SLC14A2: variants seen among roughly 807,000 people sequenced by gnomAD.
SLC14A2 encodes urea transporter 2.
A neutral mutation model predicts 104.6 loss-of-function variants in SLC14A2; 91 were observed. That is an observed-to-expected ratio of 0.87 (90% CI 0.73 to 1.04). SLC14A2 has a LOEUF of 1.04. Ranked by LOEUF, SLC14A2 falls within the 50% of genes least tolerant of loss-of-function variation. The pLI, the probability that SLC14A2 is intolerant of heterozygous loss-of-function variation, is 0.00. For synonymous variants in SLC14A2, 476 were observed against 466.4 expected (o/e 1.02, Z -0.27); for missense variants, 1,189 against 1,156.0 (o/e 1.03, Z -0.41).
At chr18:45,654,296 G>T (rs983708667) in intron 10 of SLC14A2, among the ~76,000 whole-genome samples, 1 of 152,204 alleles carries the variant, frequency 6.6e-6, no homozygotes, top group African/African-American at 2.4e-5. Flanking sequence ...GAGCTGGAGG[G>T]CTCAGGGAGG....
chr18:45,387,296 T>C (rs988189802), intron 1 of SLC14A2, among the ~76,000 whole-genome samples: 1 of 152,174 alleles, frequency 6.6e-6, no homozygotes, highest in African/African-American at 2.4e-5. Flanking sequence ...ATTAAACCCA[T>C]AGCTTGCCAC....
At chr18:45,658,304 G>C (rs2045877470) in intron 10 of SLC14A2, among the ~76,000 whole-genome samples, 1 of 152,164 alleles carries the variant, frequency 6.6e-6, no homozygotes, top group African/African-American at 2.4e-5. Context: ...GAAAGGGCCA[G>C]GTGTGGTAGC....
intron 1 of SLC14A2, among the ~76,000 whole-genome samples, chr18:45,228,936 T>A (rs1313758731): frequency 6.6e-6 from 1 of 152,124 alleles, no homozygotes; most frequent in East Asian, 1.9e-4. Flanking sequence ...TGATTAAACA[T>A]TGGCCCGGTT....
At chr18:45,636,379 G>C (rs1480763432) in intron 5 of SLC14A2, among the ~76,000 whole-genome samples, 2 of 152,182 alleles carry the variant, frequency 1.3e-5, no homozygotes, top group African/African-American at 4.8e-5. Context: ...GAGTGAGTCA[G>C]GATTTGCACT....
chr18:45,490,683 TGGA>T (rs1011888375), intron 2 of SLC14A2, among the ~76,000 whole-genome samples: 9 of 152,190 alleles, frequency 5.9e-5, no homozygotes, highest in African/African-American at 1.4e-4. Flanking sequence ...GTGAGAGATT[TGGA>T]GGAGAAGTTT....
At position 45,419,501 on chromosome 18, in the gene SLC14A2, T is replaced by C. The variant is rs547737497; in HGVS notation, c.-124-63732T>C. On this transcript the variant is annotated intron_variant, in intron 1 of 20. Transcript: ENST00000586448. ...TTAAAACATTTTATCAGGTCGGGCG[T>C]GGTGGCTCATGCCTATAATCCCAGC... is the stretch of plus-strand genomic sequence containing the variant. Among the ~76,000 whole-genome samples, 292 of 152,288 alleles carry C rather than the reference T, an allele frequency of 1.9e-3. 1 individual carries two copies. Among genetic ancestry groups the C allele is most frequent in the African/African-American group, 6.7e-3 (280 of 41,584 alleles).
intron 1 of SLC14A2, among the ~76,000 whole-genome samples, chr18:45,378,366 A>G (rs1212494306): frequency 6.6e-6 from 1 of 152,208 alleles, no homozygotes; most frequent in Non-Finnish European, 1.5e-5. Flanking sequence ...AGAAGAATCT[A>G]TGAGCTGTTA....
At chr18:45,481,866 G>T (rs1490905657) in intron 1 of SLC14A2, among the ~76,000 whole-genome samples, 1 of 152,080 alleles carries the variant, frequency 6.6e-6, no homozygotes, top group African/African-American at 2.4e-5. Flanking sequence ...TCAAAACAAT[G>T]GTACTTTGAA....
upstream of SLC14A2, among the ~76,000 whole-genome samples, chr18:45,612,701 C>T (rs2044992140): frequency 1.3e-5 from 2 of 152,314 alleles, no homozygotes; most frequent in South Asian, 2.1e-4. Flanking sequence ...TAGGGTTTGG[C>T]TCTGTGTCCC....
At chr18:45,214,469 T>C (rs1350300503) in intron 1 of SLC14A2, among the ~76,000 whole-genome samples, 1 of 152,230 alleles carries the variant, frequency 6.6e-6, no homozygotes, top group African/African-American at 2.4e-5. Context: ...CAGATGAATG[T>C]ATCTATTATT....
At chr18:45,388,569 C>T (rs73431975) in intron 1 of SLC14A2, among the ~76,000 whole-genome samples, 21,574 of 152,034 alleles carry the variant, frequency 0.14, 3,308 homozygotes, top group African/African-American at 0.39. Context: ...CCCAAGATTG[C>T]GAATACCTGG....
chr18:45,502,084 G>C lies in SLC14A2; in HGVS notation c.-35+18762G>C, dbSNP rs75304390. On this transcript the variant is annotated intron_variant, in intron 2 of 20. Transcript: ENST00000586448. The stretch of plus-strand genomic sequence containing the variant: ...AGGATTCCGTGGCATCTGTCTGTGA[G>C]TTCCCATAGTTAACTTTTCCCATAG... 3.6e-3 allele frequency among the ~76,000 whole-genome samples: 552 copies of C among 152,310 alleles called. 2 individuals carry two copies. Among genetic ancestry groups the C allele is most frequent in the Admixed American group, 4.4e-3 (68 of 15,298 alleles).
rs539448251 is a variant in SLC14A2, at chr18:45,274,946, C to G, written c.-125+61755C>G. On this transcript the variant is annotated intron_variant, in intron 1 of 20. Transcript: ENST00000586448. The stretch of plus-strand genomic sequence containing the variant: ...TGATAGATGCATTTGAAGGTCTCTT[C>G]CAGGGAGAAGCTGTAGAGATGCGTT... Among the ~76,000 whole-genome samples, 9 of 152,286 alleles carry G rather than the reference C, an allele frequency of 5.9e-5. No homozygotes were observed. In the South Asian group the frequency reaches 1.7e-3, roughly 28 times the overall value.
intron 1 of SLC14A2, among the ~76,000 whole-genome samples, chr18:45,431,848 G>C (rs2086520496): frequency 6.6e-6 from 1 of 152,178 alleles, no homozygotes; most frequent in African/African-American, 2.4e-5. Context: ...TAAAATGAAG[G>C]AAGTGGGAAG....
intron 1 of SLC14A2, among the ~76,000 whole-genome samples, chr18:45,461,659 T>C (rs190726428): frequency 6.6e-6 from 1 of 152,302 alleles, no homozygotes; most frequent in Admixed American, 6.5e-5. Flanking sequence ...GAGCCCATCA[T>C]TGCCTGTGTG....
chr18:45,569,175 C>T (rs891370802), intron 2 of SLC14A2, among the ~76,000 whole-genome samples: 1 of 152,186 alleles, frequency 6.6e-6, no homozygotes, highest in African/African-American at 2.4e-5. Flanking sequence ...AACTGCTTCT[C>T]AACACAGAGC....
At position 45,414,757 on chromosome 18, in the gene SLC14A2, A is replaced by AAAAAAAAAAAT. The variant is rs1360051908; in HGVS notation, c.-124-68475_-124-68474insAAAAAAAAATA. Among the ~76,000 whole-genome samples, 111 of 76,060 alleles carry AAAAAAAAAAAT rather than the reference A, an allele frequency of 1.5e-3. 1 individual carries two copies. The highest frequency in any genetic ancestry group is 1.9e-3 in the Non-Finnish European group (86 of 45,792). 49.9% of individuals were successfully genotyped at this position (76,060 alleles called of 152,430 possible). A position where few individuals can be genotyped will look rare whatever the true frequency, so the allele number is the denominator to read the frequency against. The stretch of plus-strand genomic sequence containing the variant: ...AGGCACCGAGCGTAAAAAAAAAAAA[A>AAAAAAAAAAAT]ATATATATATATATATATATATATA... On this transcript the variant is annotated intron_variant, in intron 1 of 20. Transcript: ENST00000586448.
intron 1 of SLC14A2, among the ~76,000 whole-genome samples, chr18:45,312,863 G>A (rs1599666544): frequency 6.6e-6 from 1 of 152,316 alleles, no homozygotes; most frequent in South Asian, 2.1e-4. Context: ...TCCCAGAGTT[G>A]CAGACCACAG....
At chr18:45,560,164 T>C (rs575886250) in intron 2 of SLC14A2, among the ~76,000 whole-genome samples, 1 of 152,232 alleles carries the variant, frequency 6.6e-6, no homozygotes, top group African/African-American at 2.4e-5. Context: ...GGCAATAGCA[T>C]ATATTTGGAT....
Sources: gnomAD v4.1 joint callset for allele counts (sites outside exome capture counted in the v4.1 genomes callset) on GRCh38, gnomAD v4.1.1 for gene constraint, MANE v1.5 for transcripts, NCBI Gene and HGNC (gene_info 2026-07-23, HGNC 2026-07-21) for gene names.